The following SDK1 variants were observed in gnomAD, a reference collection of about 807,000 sequenced individuals.
SDK1 encodes the protein sidekick cell adhesion molecule 1.
In SDK1, 157 loss-of-function variants were observed where a neutral mutation model predicts 245.5. The ratio of observed to expected loss-of-function variants is 0.64; its 90% CI spans 0.56 to 0.73. SDK1 has a LOEUF of 0.73. Among genes scored for constraint, SDK1 ranks in the 30% least tolerant of loss-of-function variants. The pLI is 0.00. For missense variants in SDK1, 3,583 were observed against 3,002.3 expected, an observed-to-expected ratio of 1.19 and a Z score of -4.52; for synonymous variants, 1,647 against 1,278.5, an observed-to-expected ratio of 1.29 and a Z score of -6.15.
chr7:4,082,072 A>G (rs532983868), intron 22 of SDK1, among the ~76,000 whole-genome samples: 47 of 152,338 alleles, frequency 3.1e-4, no homozygotes, highest in Non-Finnish European at 6.0e-4. Context: ...TGGTGTTGGA[A>G]TAACAGGTTT....
chr7:4,148,157 G>A (rs182802225), intron 29 of SDK1, among the ~76,000 whole-genome samples: 1 of 152,274 alleles, frequency 6.6e-6, no homozygotes, highest in East Asian at 1.9e-4. Context: ...CCCCTCCGGA[G>A]ACCAGGTGAA....
chr7:3,619,812 G>A (rs1262640696), intron 2 of SDK1, among the ~76,000 whole-genome samples: 1 of 152,228 alleles, frequency 6.6e-6, no homozygotes, highest in Non-Finnish European at 1.5e-5. Context: ...CACTGGGGTG[G>A]ACATGATGTG....
chr7:3,415,613 G>A (rs1361764211), intron 1 of SDK1, among the ~76,000 whole-genome samples: 1 of 151,780 alleles, frequency 6.6e-6, no homozygotes, highest in African/African-American at 2.4e-5. Flanking sequence ...AAAAGGATTG[G>A]AAGGATACCC....
chr7:4,005,686 T>C lies in SDK1; in HGVS notation c.2132-5280T>C, dbSNP rs532335380. 7.2e-4 allele frequency among the ~76,000 whole-genome samples: 110 copies of C among 152,224 alleles called. 1 individual carries two copies. The highest frequency in any genetic ancestry group is 2.6e-3 in the African/African-American group (109 of 41,514). ...CCGAAAGCACTTCCAGGCGGCAAAC[T>C]GCCACAGAAATATTATGTATTAATA... On this transcript the variant is annotated intron_variant, in intron 14 of 44. Transcript: ENST00000404826.
intron 5 of SDK1, among the ~76,000 whole-genome samples, chr7:3,845,488 C>CAAAA (rs369588343): frequency 0.019 from 755 of 40,122 alleles, 76 homozygotes; most frequent in African/African-American, 0.061. Context: ...GACTCCGTCT[C>CAAAA]AAAAAAAAAA....
At chr7:4,027,403 T>C (rs1010752665) in intron 17 of SDK1, among the ~76,000 whole-genome samples, 1 of 152,214 alleles carries the variant, frequency 6.6e-6, no homozygotes, top group African/African-American at 2.4e-5. Context: ...CCTTAGCATG[T>C]GTAGGTGGGG....
At chr7:3,895,692 G>C (rs1424244969) in intron 5 of SDK1, among the ~76,000 whole-genome samples, 1 of 152,142 alleles carries the variant, frequency 6.6e-6, no homozygotes, top group Non-Finnish European at 1.5e-5. Context: ...CCTGAAGTCA[G>C]ACCTTTCTTC....
At chr7:3,349,585 G>C (rs1251105439) in intron 1 of SDK1, among the ~76,000 whole-genome samples, 1 of 152,086 alleles carries the variant, frequency 6.6e-6, no homozygotes, top group Non-Finnish European at 1.5e-5. Context: ...CTGCCTTTTT[G>C]GGCCAGAGTA....
rs955509907 is a variant in SDK1, at chr7:3,439,153, C to T, written c.298+137269C>T. Among the ~76,000 whole-genome samples the T allele has an allele frequency of 3.3e-5, 5 of 152,006 alleles. No individual in the cohort carries two copies. In the East Asian group the frequency reaches 5.8e-4, roughly 18 times the overall value. On this transcript the variant is annotated intron_variant, in intron 1 of 44. Coordinates refer to ENST00000404826, the MANE Select transcript of SDK1 (RefSeq NM_152744.4). The stretch of plus-strand genomic sequence containing the variant: ...CAGGTGTGAATCACCATGCCCGGCC[C>T]CCCTTTCTATTAATTATCCAACATC...
chr7:4,140,089 T>C (rs660834), intron 28 of SDK1, among the ~76,000 whole-genome samples: 127,437 of 152,138 alleles, frequency 0.84, 53,802 homozygotes, highest in African/African-American at 0.94. Flanking sequence ...ACCACCTCCC[T>C]GGGAGCACAC....
intron 1 of SDK1, among the ~76,000 whole-genome samples, chr7:3,310,982 C>T (rs1779535521): frequency 2.6e-5 from 4 of 152,144 alleles, no homozygotes; most frequent in South Asian, 2.1e-4. Context: ...ACATAGCATG[C>T]ATCCAGTAAG....
chr7:3,434,161 T>C lies in SDK1; in HGVS notation c.298+132277T>C, dbSNP rs75081021. On this transcript the variant is annotated intron_variant, in intron 1 of 44. Transcript: ENST00000404826. ...GGCGTATTTTGTGATGATTTTTTTT[T>C]CCTCTCTTTTTGAAGGCTCAGTAGC... Among the ~76,000 whole-genome samples, 769 of 152,272 alleles carry C rather than the reference T, an allele frequency of 5.1e-3. 8 individuals are homozygous for C. The highest frequency in any genetic ancestry group is 4.0e-3 in the Non-Finnish European group (272 of 68,012).
chr7:3,620,146 G>C (rs1371568115), intron 2 of SDK1, among the ~76,000 whole-genome samples: 1 of 152,100 alleles, frequency 6.6e-6, no homozygotes, highest in Admixed American at 6.5e-5. Flanking sequence ...CTCAAATGGG[G>C]AATAGCCCAC....
chr7:3,723,286 G>A (rs185373477), intron 4 of SDK1, among the ~76,000 whole-genome samples: 2 of 152,160 alleles, frequency 1.3e-5, no homozygotes, highest in Non-Finnish European at 1.5e-5. Context: ...ACATAAATTC[G>A]TATGATTACC....
intron 4 of SDK1, among the ~76,000 whole-genome samples, chr7:3,701,727 A>G (rs1467488157): frequency 6.6e-6 from 1 of 152,210 alleles, no homozygotes. Context: ...CTGAATTCTT[A>G]CAATATAGGT....
At chr7:3,949,714 G>A (rs967050344) in intron 5 of SDK1, among the ~76,000 whole-genome samples, 6 of 152,128 alleles carry the variant, frequency 3.9e-5, no homozygotes, top group African/African-American at 1.4e-4. Flanking sequence ...GATGTTAAAT[G>A]TATTTTAGAG....
chr7:3,435,107 ATAAAT>A (rs1427228626), intron 1 of SDK1, among the ~76,000 whole-genome samples: 1 of 152,156 alleles, frequency 6.6e-6, no homozygotes, highest in Non-Finnish European at 1.5e-5. Context: ...TCAGCTTCAA[ATAAAT>A]TAAAGATTTC....
intron 1 of SDK1, among the ~76,000 whole-genome samples, chr7:3,435,531 TTATTTTG>T (rs1779997843): frequency 6.6e-6 from 1 of 151,054 alleles, no homozygotes; most frequent in Admixed American, 6.6e-5. Context: ...ATTATTATTA[TTATTTTG>T]TATTTTAGTA....
intron 15 of SDK1, among the ~76,000 whole-genome samples, 192 bp downstream of exon 15, chr7:4,011,305 T>G: frequency 6.6e-6 from 1 of 152,372 alleles, no homozygotes; most frequent in East Asian, 1.9e-4. Context: ...AGCTGGGCCT[T>G]CCTTCATTGC....
Sources: allele counts gnomAD v4.1 joint callset (sites outside exome capture counted in the v4.1 genomes callset), GRCh38; gene constraint gnomAD v4.1.1; transcripts MANE v1.5; gene names NCBI Gene and HGNC (gene_info 2026-07-23, HGNC 2026-07-21).